Variants in GAS6 observed in about 807,000 individuals in gnomAD.
GAS6 encodes growth arrest specific 6.
A neutral mutation model predicts 75.8 loss-of-function variants in GAS6; 41 were observed. That is an observed-to-expected ratio of 0.54 (90% CI 0.42 to 0.70). GAS6 has a LOEUF of 0.70. Among genes scored for constraint, GAS6 ranks in the 30% least tolerant of loss-of-function variants. The pLI is 0.00. For missense variants in GAS6, 854 were observed against 940.2 expected, an observed-to-expected ratio of 0.91 and a Z score of 1.20; for synonymous variants, 432 against 412.6, an observed-to-expected ratio of 1.05 and a Z score of -0.57.
rs554693110 is a variant in GAS6, at chr13:113,827,763, A to C, written c.1309-599T>G. ...TCTCCTGCCTGGTGTGGAAGTGAAA[A>C]TACCCAGGATGACGGCTTAGACGTC... On this transcript the variant is annotated intron_variant, in intron 11 of 14. Coordinates refer to ENST00000327773, the MANE Select transcript of GAS6 (RefSeq NM_000820.4). Among the ~76,000 whole-genome samples the C allele has an allele frequency of 2.0e-5, 3 of 152,288 alleles. No individual in the cohort carries two copies. The South Asian group carries it at 6.2e-4, about 32-fold the overall frequency.
At chr13:113,835,740 C>G in intron 6 of GAS6, 105 bp from the exon 7 acceptor site, 2 of 1,509,876 alleles carry the variant, frequency 1.3e-6, no homozygotes, top group Non-Finnish European at 1.8e-6. Context: ...GAGGTCGCAT[C>G]CAGACTCTGT....
intron 11 of GAS6, among the ~76,000 whole-genome samples, chr13:113,827,885 G>A (rs550628692): frequency 7.2e-5 from 11 of 152,182 alleles, no homozygotes; most frequent in African/African-American, 2.4e-4. Context: ...CACACTGACC[G>A]CCCATCATGG....
At chr13:113,851,032 AATGAATGG>A (rs1350481027) in intron 2 of GAS6, among the ~76,000 whole-genome samples, 11 of 151,670 alleles carry the variant, frequency 7.3e-5, no homozygotes, top group African/African-American at 2.4e-4. Context: ...AATGGGAATG[AATGAATGG>A]ATGAGTGGAT....
At chr13:113,826,518 T>C in intron 12 of GAS6, among the ~76,000 whole-genome samples, 1 of 99,760 alleles carries the variant, frequency 1.0e-5, no homozygotes, top group South Asian at 3.7e-4. Context: ...GCAGGCACCT[T>C]CTCTCCCCGG....
At chr13:113,827,310 A>G in intron 11 of GAS6, 146 bp from the exon 12 acceptor site, 1 of 735,492 alleles carries the variant, frequency 1.4e-6, no homozygotes, top group Admixed American at 2.5e-5. Flanking sequence ...TGGCCATTTC[A>G]CAGAAGGTTT....
At chr13:113,824,799 C>G (rs7399637) in intron 12 of GAS6, among the ~76,000 whole-genome samples, 1 of 151,810 alleles carries the variant, frequency 6.6e-6, no homozygotes, top group African/African-American at 2.4e-5. Context: ...TTTATGGCAC[C>G]GAAACACACA....
intron 2 of GAS6, among the ~76,000 whole-genome samples, chr13:113,856,197 T>C (rs1175881862): frequency 6.6e-5 from 10 of 152,218 alleles, no homozygotes; most frequent in Admixed American, 5.9e-4. Context: ...CTGTGCTTTA[T>C]GCGCCCACAC....
chr13:113,832,611 G>C, intron 9 of GAS6, 23 bp downstream of exon 9: 1 of 1,612,362 alleles, frequency 6.2e-7, no homozygotes, highest in Non-Finnish European at 8.5e-7. Flanking sequence ...AAGTTGTGTT[G>C]CCTCCTGTGG....
rs1353244310 is a variant in GAS6 at position 113,820,678 on chromosome 13, G to T, written c.*186C>A. 3 of 669,010 alleles carry T rather than the reference G, an allele frequency of 4.5e-6. No individual in the cohort carries two copies. Among genetic ancestry groups the T allele is most frequent in the Non-Finnish European group, 7.4e-6 (3 of 406,718 alleles). The allele number at this position is 669,010 out of a possible 1,614,324, so 41.4% of individuals were successfully genotyped here. ...GCTGCGCCGGCCTCCCCGCGCCCGG[G>T]CCCACGGCTGAGTGCGCGGCGTCAG... On this transcript the variant is annotated 3_prime_UTR_variant, in exon 15 of 15. Coordinates refer to ENST00000327773, the MANE Select transcript of GAS6 (RefSeq NM_000820.4).
rs778673513 is a variant in GAS6, at chr13:113,834,606, C to T, written c.779G>A (p.Cys260Tyr). ...VCVNSPGSYT[C>Y]HCDGRGGLKL... The stretch of plus-strand genomic sequence containing the variant: ...GAGGCCCCCACGCCCGTCACAGTGG[C>T]AGGTGTAGCTCCCTGGGGAGTTCAC... The change falls in exon 8 of 15, where the codon TGC becomes TAC. Residue 260 changes from cysteine (C) to tyrosine (Y), a missense_variant. Transcript: ENST00000327773. 1.2e-6 allele frequency: 2 copies of T among 1,600,138 alleles called. No individual in the cohort carries two copies. The highest frequency in any genetic ancestry group is 1.7e-6 in the Non-Finnish European group (2 of 1,174,580).
chr13:113,838,783 G>T (rs544935073), intron 5 of GAS6, among the ~76,000 whole-genome samples: 152 of 131,784 alleles, frequency 1.2e-3, no homozygotes, highest in African/African-American at 4.3e-3. Flanking sequence ...GGAAGGGACC[G>T]CGGGTGTGCA....
intron 2 of GAS6, among the ~76,000 whole-genome samples, chr13:113,858,745 CTG>C (rs1325830255): frequency 1.2e-4 from 18 of 149,614 alleles, no homozygotes; most frequent in African/African-American, 2.5e-4. Context: ...GTGTACATGT[CTG>C]TTAGTATGTG....
chr13:113,837,461 A>C lies in GAS6; in HGVS notation c.589+608T>G, dbSNP rs1237430468. 6.6e-6 allele frequency among the ~76,000 whole-genome samples: 1 copy of C among 151,956 alleles called. No homozygotes were observed. The highest frequency in any genetic ancestry group is 1.5e-5 in the Non-Finnish European group (1 of 67,986). Reference sequence around the variant, plus strand: ...ATGTCCAGATACAACGTGGGGAGGGAGGAGGAAGGTGCTCCCCCTGCAAAG... The same window carrying C: ...ATGTCCAGATACAACGTGGGGAGGGCGGAGGAAGGTGCTCCCCCTGCAAAG... On this transcript the variant is annotated intron_variant, in intron 6 of 14. Coordinates refer to ENST00000327773, the MANE Select transcript of GAS6 (RefSeq NM_000820.4). This position sits in a 1 kb window ranked among gnomAD's most constrained non-coding sequence, Gnocchi z 5.1.
Position 113,863,521 on chromosome 13 carries a change from T to G in GAS6, c.255+54A>C, listed in dbSNP as rs991848882. ...AGCAGCGCTGCCTCTCGGGAGCGGTTGGAGGCGCGCGGGCGCCAGGGGTTC... is the reference window on the plus strand; with the variant it reads ...AGCAGCGCTGCCTCTCGGGAGCGGTGGGAGGCGCGCGGGCGCCAGGGGTTC... On this transcript the variant is annotated intron_variant, in intron 2 of 14. Coordinates refer to ENST00000327773, the MANE Select transcript of GAS6 (RefSeq NM_000820.4). The surrounding 1 kb of genome is among the most constrained non-coding windows in gnomAD (Gnocchi z 9.4). The G allele has an allele frequency of 1.1e-4, 169 of 1,469,642 alleles. No individual in the cohort carries two copies. Among genetic ancestry groups the G allele is most frequent in the Non-Finnish European group, 1.5e-4 (164 of 1,116,434 alleles). The allele number at this position is 1,469,642 out of a possible 1,614,324, so 91.0% of individuals were successfully genotyped here.
rs201949264 is a variant in GAS6 at position 113,825,817 on chromosome 13, C to CG, written c.1477+1178dup. 9.4e-3 allele frequency among the ~76,000 whole-genome samples: 1,364 copies of CG among 144,494 alleles called. 26 individuals carry two copies. The highest frequency in any genetic ancestry group is 0.037 in the African/African-American group (1,294 of 35,340). 94.8% of individuals were successfully genotyped at this position (144,494 alleles called of 152,430 possible). A position where few individuals can be genotyped will look rare whatever the true frequency, so the allele number is the denominator to read the frequency against. ...CTGACACGGTCACGCTTTTGACACC[C>CG]GGGGGGAGACGGTGACACTGGATCT... On this transcript the variant is annotated intron_variant, in intron 12 of 14. Coordinates refer to ENST00000327773, the MANE Select transcript of GAS6 (RefSeq NM_000820.4).
intron 12 of GAS6, among the ~76,000 whole-genome samples, chr13:113,825,117 C>G (rs55703655): frequency 0.014 from 2,153 of 150,922 alleles, 51 homozygotes; most frequent in African/African-American, 0.05. Context: ...ACTCGGGAGG[C>G]TGAGGCAGGA....
intron 3 of GAS6, among the ~76,000 whole-genome samples, chr13:113,847,319 C>T (rs1220747407): frequency 6.6e-6 from 1 of 152,198 alleles, no homozygotes; most frequent in Non-Finnish European, 1.5e-5. Context: ...AGATATGGAC[C>T]CAGGGAAGGA....
intron 3 of GAS6, chr13:113,847,071 G>C: frequency 2.0e-6 from 1 of 491,896 alleles, no homozygotes; most frequent in Non-Finnish European, 4.0e-6. Flanking sequence ...GGCGAGGCCT[G>C]GCACATGCAC....
chr13:113,829,848 C>T (rs1160851442), intron 10 of GAS6, among the ~76,000 whole-genome samples: 1 of 151,898 alleles, frequency 6.6e-6, no homozygotes, highest in Non-Finnish European at 1.5e-5. Flanking sequence ...CCACCTGATC[C>T]TCACCTGAGC....
Sources: allele counts gnomAD v4.1 joint callset (sites outside exome capture counted in the v4.1 genomes callset), GRCh38; gene constraint gnomAD v4.1.1; non-coding constraint Gnocchi (gnomAD v3.1); transcripts MANE v1.5; gene names NCBI Gene and HGNC (gene_info 2026-07-23, HGNC 2026-07-21).